RTL4: variants seen among roughly 807,000 people sequenced by gnomAD.
RTL4 encodes the protein retrotransposon Gag like 4.
RTL4 carries 4 observed loss-of-function variants against 5.3 expected under a neutral mutation model. The ratio of observed to expected loss-of-function variants is 0.75; its 90% confidence interval spans 0.37 to 1.72. RTL4 has a LOEUF of 1.72. Among genes scored for constraint, RTL4 ranks in the 40% most tolerant of loss-of-function variants. RTL4 has a pLI of 0.04. For synonymous variants in RTL4, 98 were observed against 87.3 expected (o/e 1.12, Z -0.68); for missense variants, 260 against 227.1 (o/e 1.14, Z -0.93).
At chrX:112,381,341 G>C in the RTL4 span, 2 of 1,210,002 alleles carry the variant, frequency 1.7e-6, no homozygotes, top group Non-Finnish European at 2.2e-6. Context: ...TGTCAAGCCA[G>C]AGAAGCTAAC....
the RTL4 span, among the ~76,000 whole-genome samples, chrX:112,344,408 A>G: frequency 8.9e-6 from 1 of 112,568 alleles, no homozygotes; most frequent in African/African-American, 3.2e-5. Context: ...TACAGGAAGC[A>G]TGGCTGGGAA....
At chrX:112,261,872 C>T in the RTL4 span, among the ~76,000 whole-genome samples, 4 of 110,862 alleles carry the variant, frequency 3.6e-5, no homozygotes, top group South Asian at 3.8e-4. Flanking sequence ...AGAACAGAGG[C>T]CTCAGAAATA....
the RTL4 span, among the ~76,000 whole-genome samples, chrX:112,296,941 C>G: frequency 4.5e-5 from 5 of 110,301 alleles, no homozygotes; most frequent in Non-Finnish European, 7.6e-5. Context: ...TTTGCCATCT[C>G]TTTCTTGGCC....
chrX:112,193,918 A>G, the RTL4 span, among the ~76,000 whole-genome samples: 2 of 112,096 alleles, frequency 1.8e-5, no homozygotes, highest in Non-Finnish European at 3.8e-5. Flanking sequence ...ATATAAACAA[A>G]TTTTCATTCT....
At chrX:112,454,605 C>G in exon 1 of RTL4, 1 of 650,490 alleles carries the variant, frequency 1.5e-6, no homozygotes, top group Non-Finnish European at 2.3e-6. Flanking sequence ...TTCTTCACAG[C>G]TAACAGCTTT....
chrX:112,234,015 AC>A, the RTL4 span, among the ~76,000 whole-genome samples: 123 of 109,607 alleles, frequency 1.1e-3, no homozygotes, highest in African/African-American at 3.7e-3. Flanking sequence ...ACACAGTGAA[AC>A]CCCGTCTCTA....
At chrX:112,090,696 G>A in the RTL4 span, among the ~76,000 whole-genome samples, 3 of 110,926 alleles carry the variant, frequency 2.7e-5, no homozygotes, top group Non-Finnish European at 5.7e-5. Context: ...AAGTAATATT[G>A]GTCTGTAGTT....
upstream of RTL4, among the ~76,000 whole-genome samples, chrX:112,452,904 C>T (rs1374119945): frequency 1.2e-4 from 13 of 110,438 alleles, no homozygotes; most frequent in Admixed American, 6.7e-4. Flanking sequence ...TGGTGGCAGG[C>T]GCCTATAATC....
chrX:112,184,350 A>T, the RTL4 span, among the ~76,000 whole-genome samples: 2 of 112,012 alleles, frequency 1.8e-5, no homozygotes, highest in Admixed American at 1.9e-4. Flanking sequence ...TTAAAGTATA[A>T]TAAAAAAAAT....
the RTL4 span, among the ~76,000 whole-genome samples, chrX:112,326,434 C>T: frequency 1.9e-4 from 21 of 111,627 alleles, no homozygotes; most frequent in African/African-American, 2.9e-4. Context: ...CCGAATACTG[C>T]GCTTTTCTGA....
At chrX:112,390,998 A>G in the RTL4 span, among the ~76,000 whole-genome samples, 1 of 111,854 alleles carries the variant, frequency 8.9e-6, no homozygotes, top group East Asian at 2.8e-4. Flanking sequence ...TATACTTCTC[A>G]GAGTTTTTGC....
At chrX:112,201,692 T>G in the RTL4 span, among the ~76,000 whole-genome samples, 7 of 111,026 alleles carry the variant, frequency 6.3e-5, no homozygotes, top group African/African-American at 2.3e-4. Context: ...GAGCCTCCTT[T>G]TGTGTGAGAA....
chrX:112,166,422 G>T, the RTL4 span, among the ~76,000 whole-genome samples: 1 of 111,636 alleles, frequency 9.0e-6, no homozygotes, highest in East Asian at 2.8e-4. Context: ...AGAGGTAAAG[G>T]ATTAATTTTT....
the RTL4 span, among the ~76,000 whole-genome samples, chrX:112,235,462 A>G: frequency 9.0e-6 from 1 of 111,439 alleles, no homozygotes; most frequent in Non-Finnish European, 1.9e-5. Context: ...AATCCCCATA[A>G]TTGGCTTCAC....
chrX:112,325,043 T>C, the RTL4 span, among the ~76,000 whole-genome samples: 4 of 111,506 alleles, frequency 3.6e-5, no homozygotes, highest in Admixed American at 3.8e-4. Context: ...TGAACTCCCA[T>C]TCACAATTGC....
the RTL4 span, among the ~76,000 whole-genome samples, chrX:112,102,832 G>A: frequency 2.7e-5 from 3 of 111,928 alleles, no homozygotes; most frequent in African/African-American, 9.7e-5. Flanking sequence ...ATGAATAAAA[G>A]GTCAACATCA....
the RTL4 span, among the ~76,000 whole-genome samples, chrX:112,401,432 A>G: frequency 9.0e-6 from 1 of 111,421 alleles, no homozygotes; most frequent in Non-Finnish European, 1.9e-5. Flanking sequence ...TCTTGCTCTC[A>G]TTTCAATTCA....
At chrX:112,158,255 A>C in the RTL4 span, among the ~76,000 whole-genome samples, 1 of 111,828 alleles carries the variant, frequency 8.9e-6, no homozygotes, top group Non-Finnish European at 1.9e-5. Flanking sequence ...ACTTTAATGA[A>C]TATTTAAAAG....
At chrX:112,155,447 G>A in the RTL4 span, among the ~76,000 whole-genome samples, 62 of 111,324 alleles carry the variant, frequency 5.6e-4, no homozygotes, top group African/African-American at 1.9e-3. Context: ...ATAAAGATAA[G>A]CCCTGTGAAT....
Sources: allele counts gnomAD v4.1 joint callset (sites outside exome capture counted in the v4.1 genomes callset), GRCh38; gene constraint gnomAD v4.1.1; transcripts MANE v1.5; gene names NCBI Gene and HGNC (gene_info 2026-07-23, HGNC 2026-07-21).